Variants in SPRED1 observed in about 807,000 individuals in gnomAD.
SPRED1 encodes the protein sprouty-related, EVH1 domain-containing protein 1.
Under a neutral mutation model 52.3 loss-of-function variants are expected in SPRED1, and 18 were observed. The observed-to-expected ratio is 0.34, with a 90% CI of 0.24 to 0.51. SPRED1 has a LOEUF of 0.51. Ranked by LOEUF, SPRED1 falls within the 20% of genes least tolerant of loss-of-function variation. The pLI is 0.97. For synonymous variants in SPRED1, 155 were observed against 179.7 expected (o/e 0.86, Z 1.10); for missense variants, 485 against 551.0 (o/e 0.88, Z 1.20).
rs1040319006 is a variant in SPRED1, at chr15:38,352,540, A to C, written c.*876A>C. On this transcript the variant is annotated 3_prime_UTR_variant, in exon 7 of 7. Transcript: ENST00000299084. ...GAGACTGAGTAAACAAACATTATAG[A>C]AAAAAAGTGAAGTTTTTTAGTTGTT... 6.6e-6 allele frequency: 1 copy of C among 152,520 alleles called. No homozygotes were observed. Among genetic ancestry groups the C allele is most frequent in the Non-Finnish European group, 1.5e-5 (1 of 67,972 alleles). The allele number at this position is 152,520 out of a possible 1,614,324, so 9.4% of individuals were successfully genotyped here.
chr15:38,334,926 C>G (rs1426974640), intron 4 of SPRED1, among the ~76,000 whole-genome samples: 1 of 151,420 alleles, frequency 6.6e-6, no homozygotes, highest in Non-Finnish European at 1.5e-5. Flanking sequence ...TCAAATTGCA[C>G]TCTCACCAAC....
chr15:38,286,226 CAAA>C (rs368405955), intron 1 of SPRED1, among the ~76,000 whole-genome samples: 1 of 89,590 alleles, frequency 1.1e-5, no homozygotes, highest in Non-Finnish European at 2.1e-5. Context: ...ACTCCAGCCT[CAAA>C]AAAAAAAAAA....
Position 38,292,129 on chromosome 15 carries a change from A to T in SPRED1, c.33-7244A>T, listed in dbSNP as rs552607876. Among the ~76,000 whole-genome samples the T allele has an allele frequency of 2.6e-5, 4 of 152,276 alleles. No homozygotes were observed. In the South Asian group the frequency reaches 8.3e-4, roughly 32 times the overall value. ...TCATCTCTTTCAAGCTCAAAGTTCC[A>T]CAAATCTCTAGGGCAGAGGCAAAAT... On this transcript the variant is annotated intron_variant, in intron 1 of 6. Transcript: ENST00000299084.
chr15:38,347,322 C>T (rs949546422), intron 5 of SPRED1, among the ~76,000 whole-genome samples: 1 of 152,054 alleles, frequency 6.6e-6, no homozygotes, highest in Non-Finnish European at 1.5e-5. Context: ...CATCAATTCT[C>T]TATATATGTT....
chr15:38,274,359 A>T (rs912948206), intron 1 of SPRED1, among the ~76,000 whole-genome samples: 8 of 152,326 alleles, frequency 5.3e-5, no homozygotes, highest in Admixed American at 5.2e-4. Context: ...GTCGGAAATG[A>T]TAATGAAAGC....
chr15:38,267,776 G>A (rs1894341595), intron 1 of SPRED1, among the ~76,000 whole-genome samples: 1 of 152,176 alleles, frequency 6.6e-6, no homozygotes. Context: ...ACTTGGTAAA[G>A]TCTTATGATT....
Position 38,351,698 on chromosome 15 carries a change from T to A in SPRED1, c.*34T>A. On this transcript the variant is annotated 3_prime_UTR_variant, in exon 7 of 7. Coordinates refer to ENST00000299084, the MANE Select transcript of SPRED1 (RefSeq NM_152594.3). ...AGTGCCAAAATGAGCTTAAAATCTT[T>A]GTTTCCAGGAATTAGCTAACTTGGA... 1 of 1,605,082 alleles carries A rather than the reference T, an allele frequency of 6.2e-7. No homozygotes were observed. The highest frequency in any genetic ancestry group is 8.5e-7 in the Non-Finnish European group (1 of 1,179,520).
intron 2 of SPRED1, among the ~76,000 whole-genome samples, chr15:38,314,007 G>T (rs1398425520): frequency 6.6e-6 from 1 of 151,734 alleles, no homozygotes; most frequent in East Asian, 1.9e-4. Flanking sequence ...TCTTTCAAAA[G>T]AACAGGTATT....
At chr15:38,322,503 T>G (rs1895625189) in intron 3 of SPRED1, 94 bp downstream of exon 3, 5 of 1,317,122 alleles carry the variant, frequency 3.8e-6, no homozygotes, top group Admixed American at 1.8e-5. Context: ...TTTTCACACT[T>G]TAACCATGTC....
At chr15:38,302,115 C>T (rs780870685) in intron 2 of SPRED1, among the ~76,000 whole-genome samples, 1 of 151,804 alleles carries the variant, frequency 6.6e-6, no homozygotes. Context: ...AGATTCTTGC[C>T]CCTCATATCC....
intron 5 of SPRED1, among the ~76,000 whole-genome samples, chr15:38,348,743 A>T (rs1896193349): frequency 6.6e-6 from 1 of 152,092 alleles, no homozygotes; most frequent in Non-Finnish European, 1.5e-5. Flanking sequence ...TCATAACATT[A>T]TTCTCTCCTT....
chr15:38,319,277 A>ATTG (rs201818537), intron 2 of SPRED1, among the ~76,000 whole-genome samples: 2 of 152,162 alleles, frequency 1.3e-5, no homozygotes, highest in Non-Finnish European at 2.9e-5. Flanking sequence ...TTAATCGTGA[A>ATTG]TTGTTGTTGT....
intron 1 of SPRED1, among the ~76,000 whole-genome samples, chr15:38,275,784 G>A (rs1474326920): frequency 6.6e-6 from 1 of 152,192 alleles, no homozygotes; most frequent in Admixed American, 6.5e-5. Flanking sequence ...GCGTGAGCCA[G>A]TGCACCCCGC....
At chr15:38,267,425 T>G (rs1481424282) in intron 1 of SPRED1, among the ~76,000 whole-genome samples, 1 of 152,232 alleles carries the variant, frequency 6.6e-6, no homozygotes, top group African/African-American at 2.4e-5. Context: ...GTGGGATAAG[T>G]GTGTCAAAGA....
intron 4 of SPRED1, among the ~76,000 whole-genome samples, chr15:38,334,799 A>C (rs1176281989): frequency 6.6e-6 from 1 of 151,860 alleles, no homozygotes; most frequent in Non-Finnish European, 1.5e-5. Flanking sequence ...TTTTTGTTAA[A>C]AAATAGTGCT....
At chr15:38,259,256 T>G (rs913130429) in intron 1 of SPRED1, among the ~76,000 whole-genome samples, 32 of 152,286 alleles carry the variant, frequency 2.1e-4, no homozygotes, top group African/African-American at 7.7e-4. Flanking sequence ...TTTTATGTAT[T>G]TATTTATTTT....
At chr15:38,346,319 A>G (rs2141012670) in intron 5 of SPRED1, among the ~76,000 whole-genome samples, 1 of 152,198 alleles carries the variant, frequency 6.6e-6, no homozygotes, top group South Asian at 2.1e-4. Context: ...GTCTCAAAAA[A>G]AAAAAAAATC....
intron 6 of SPRED1, 82 bp from the exon 7 acceptor site, chr15:38,350,932 T>C (rs1291407896): frequency 1.5e-6 from 2 of 1,322,958 alleles, no homozygotes; most frequent in Non-Finnish European, 2.1e-6. Context: ...TCAACAAATA[T>C]CTGGACACTG....
chr15:38,261,884 A>G (rs920594264), intron 1 of SPRED1, among the ~76,000 whole-genome samples: 5 of 152,222 alleles, frequency 3.3e-5, no homozygotes, highest in Non-Finnish European at 5.9e-5. Context: ...AGGATTGCCA[A>G]AAATTTAGAT....
Sources: gnomAD v4.1 joint callset for allele counts (sites outside exome capture counted in the v4.1 genomes callset) on GRCh38, gnomAD v4.1.1 for gene constraint, MANE v1.5 for transcripts, NCBI Gene and HGNC (gene_info 2026-07-23, HGNC 2026-07-21) for gene names.